The following TTLL10 variants were observed in gnomAD, a reference collection of about 807,000 sequenced individuals.
The protein encoded by TTLL10 is tubulin tyrosine ligase like 10.
Under a neutral mutation model 69.0 loss-of-function variants are expected in TTLL10, and 61 were observed. The ratio of observed to expected loss-of-function variants is 0.88; its 90% CI spans 0.72 to 1.09. The LOEUF is 1.09. Ranked by LOEUF, TTLL10 falls within the 50% of genes least tolerant of loss-of-function variation. The pLI is 0.00. For synonymous variants in TTLL10, 408 were observed against 393.3 expected, an observed-to-expected ratio of 1.04 and a Z score of -0.44; for missense variants, 962 against 945.9, an observed-to-expected ratio of 1.02 and a Z score of -0.22.
intron 11 of TTLL10, among the ~76,000 whole-genome samples, chr1:1,183,563 A>G (rs1647146633): frequency 6.6e-6 from 1 of 151,530 alleles, no homozygotes; most frequent in Admixed American, 6.6e-5. Context: ...GCGTCCCTCC[A>G]CCTGGCGAGC....
intron 3 of TTLL10, among the ~76,000 whole-genome samples, chr1:1,177,285 CGT>C (rs771740834): frequency 2.0e-5 from 3 of 147,754 alleles, no homozygotes; most frequent in African/African-American, 7.5e-5. Context: ...TGTGTCTGTG[CGT>C]GTGTGTGTGT....
At chr1:1,184,190 AGGAGGTGGCCCAGGCCG>A in intron 12 of TTLL10, 99 bp downstream of exon 12, 1 of 1,529,366 alleles carries the variant, frequency 6.5e-7, no homozygotes, top group African/African-American at 1.4e-5. Flanking sequence ...CAGCTACAGA[AGGAGGTGGCCCAGGCCG>A]GGAGGTGTCT....
Position 1,195,099 on chromosome 1 carries a change from C to T in TTLL10, c.1402-1501C>T, listed in dbSNP as rs556231044. ...CTCCTTCTGGGCTCAAGCAATCCTCCGGCCTACCAGCCTCCCAAGTAGCTG... is the reference window on the plus strand; with the variant it reads ...CTCCTTCTGGGCTCAAGCAATCCTCTGGCCTACCAGCCTCCCAAGTAGCTG... On this transcript the variant is annotated intron_variant, in intron 13 of 15. Coordinates refer to ENST00000379289, the MANE Select transcript of TTLL10 (RefSeq NM_001130045.2). Among the ~76,000 whole-genome samples the T allele has an allele frequency of 7.9e-5, 12 of 152,298 alleles. 1 individual carries two copies. The highest frequency in any genetic ancestry group is 2.6e-4 in the Admixed American group (4 of 15,294).
At chr1:1,195,500 C>CT (rs1168016636) in intron 13 of TTLL10, among the ~76,000 whole-genome samples, 1,844 of 98,788 alleles carry the variant, frequency 0.019, 80 homozygotes, top group South Asian at 0.031. Context: ...CATCGTCATA[C>CT]TTTTTTTTTT....
intron 3 of TTLL10, chr1:1,175,984 T>G (rs1167761308): frequency 4.6e-6 from 2 of 432,732 alleles, no homozygotes; most frequent in Non-Finnish European, 9.0e-6. Flanking sequence ...GCTGTGCAGG[T>G]GGAGAGGCTG....
intron 3 of TTLL10, among the ~76,000 whole-genome samples, chr1:1,178,333 G>A (rs2100851866): frequency 6.6e-6 from 1 of 152,258 alleles, no homozygotes; most frequent in East Asian, 1.9e-4. Context: ...GCCGAGGCAG[G>A]CGGATCACCT....
In TTLL10 at chr1:1,185,232, C is replaced by G; in HGVS notation, c.1401+123C>G. The G allele has an allele frequency of 6.7e-7, 1 of 1,495,426 alleles. No individual in the cohort carries two copies. Among genetic ancestry groups the G allele is most frequent in the Non-Finnish European group, 8.9e-7 (1 of 1,123,182 alleles). 92.6% of individuals were successfully genotyped at this position (1,495,426 alleles called of 1,614,324 possible). A position where few individuals can be genotyped will look rare whatever the true frequency, so the allele number is the denominator to read the frequency against. ...GTGGGCGGCTGCGCTGAAGTGTGAC[C>G]TGACCGTGTGGAACCAAACCCTTCC... On this transcript the variant is annotated intron_variant, in intron 13 of 15. Transcript: ENST00000379289. This position sits in a 1 kb window ranked among gnomAD's most constrained non-coding sequence, Gnocchi z 6.1.
Position 1,197,817 on chromosome 1 carries a change from A to C in TTLL10, c.1992A>C (p.Glu664Asp). 6.6e-7 allele frequency: 1 copy of C among 1,512,262 alleles called. No individual in the cohort carries two copies. Among genetic ancestry groups the C allele is most frequent in the Non-Finnish European group, 8.9e-7 (1 of 1,129,618 alleles). 93.7% of individuals were successfully genotyped at this position (1,512,262 alleles called of 1,614,324 possible). The change falls in exon 16 of 16, where the codon GAA becomes GAC. Residue 664 changes from glutamate to aspartate, a missense_variant. Coordinates refer to ENST00000379289, the MANE Select transcript of TTLL10 (RefSeq NM_001130045.2). Reference protein sequence around the residue: ...QEPSPGTAKEEREEPENARP With the variant: ...QEPSPGTAKEDREEPENARP Reference sequence around the variant, plus strand: ...CTTCCCCGGGGACAGCCAAGGAGGAACGCGAGGAGCCTGAGAACGCGAGGC... The same window carrying C: ...CTTCCCCGGGGACAGCCAAGGAGGACCGCGAGGAGCCTGAGAACGCGAGGC...
intron 3 of TTLL10, chr1:1,176,229 GGTGGAGAGAGGCTGACGCTGTGCA>G (rs1646868078): frequency 4.4e-6 from 2 of 450,976 alleles, no homozygotes; most frequent in African/African-American, 2.0e-5. Flanking sequence ...CCGCTGTGCA[GGTGGAGAGAGGCTGACGCTGTGCA>G]GGTGGAGAGA....
chr1:1,184,020 G>A lies in TTLL10; in HGVS notation c.1189G>A (p.Gly397Ser), dbSNP rs142275578. The change falls in exon 12 of 16, where the codon GGC becomes AGC. Residue 397 changes from glycine to serine, a missense_variant. By Grantham distance (56) the Gly-to-Ser change is moderately conservative (BLOSUM62 0). Coordinates refer to ENST00000379289, the MANE Select transcript of TTLL10 (RefSeq NM_001130045.2). ...TTPYMIFFGH[G>S]YARLTLSLYD... ...ACCCTACATGATCTTCTTTGGCCAC[G>A]GCTATGCTCGCCTCACCCTTAGCCT... 6.0e-5 allele frequency: 97 copies of A among 1,614,166 alleles called. 1 individual carries two copies. In the Admixed American group the frequency reaches 1.3e-3, roughly 21 times the overall value.
intron 1 of TTLL10, 177 bp downstream of exon 1, chr1:1,174,103 C>T (rs1376662431): frequency 6.6e-6 from 1 of 152,162 alleles, no homozygotes; most frequent in African/African-American, 2.4e-5. Context: ...TCCCGGACCC[C>T]AGCGCCACCG....
intron 13 of TTLL10, among the ~76,000 whole-genome samples, chr1:1,192,951 G>T (rs61766176): frequency 0.13 from 20,427 of 152,134 alleles, 2,526 homozygotes; most frequent in East Asian, 0.59. Context: ...AGTATCTTTT[G>T]TAGATGGTAT....
At chr1:1,196,033 C>A (rs377196616) in intron 13 of TTLL10, among the ~76,000 whole-genome samples, 1 of 152,068 alleles carries the variant, frequency 6.6e-6, no homozygotes, top group Non-Finnish European at 1.5e-5. Flanking sequence ...GCCTCAGCCT[C>A]CCAAACTGCT....
chr1:1,197,215 C>G, intron 15 of TTLL10, 29 bp downstream of exon 15: 2 of 1,537,940 alleles, frequency 1.3e-6, no homozygotes, highest in Non-Finnish European at 1.8e-6. Context: ...ACCCCACACC[C>G]CCACAACCTG....
Position 1,184,111 on chromosome 1 carries a change from G to C in TTLL10, c.1260+20G>C. On this transcript the variant is annotated intron_variant, in intron 12 of 15. Coordinates refer to ENST00000379289, the MANE Select transcript of TTLL10 (RefSeq NM_001130045.2). ...AACCAGGTGAGTCTGCCATGGGTGA[G>C]GGCCCTCCCTGCAGCCTTGGGATGA... 6.2e-7 allele frequency: 1 copy of C among 1,614,040 alleles called. No individual in the cohort carries two copies. The highest frequency in any genetic ancestry group is 1.1e-5 in the South Asian group (1 of 91,086).
intron 3 of TTLL10, among the ~76,000 whole-genome samples, chr1:1,177,542 A>G (rs924234717): frequency 3.3e-5 from 5 of 152,172 alleles, no homozygotes; most frequent in South Asian, 4.1e-4. Context: ...CAATCTCCTG[A>G]CCTCATGATC....
intron 3 of TTLL10, among the ~76,000 whole-genome samples, chr1:1,178,888 C>T (rs559065854): frequency 9.7e-4 from 147 of 152,312 alleles, no homozygotes; most frequent in African/African-American, 3.2e-3. Context: ...GCAGGCCTGA[C>T]GCTGCCCCTC....
rs113962551 is a variant in TTLL10 at position 1,186,916 on chromosome 1, G to A, written c.1401+1807G>A. 7.9e-3 allele frequency among the ~76,000 whole-genome samples: 1,181 copies of A among 150,032 alleles called. 14 individuals carry two copies. The highest frequency in any genetic ancestry group is 0.027 in the African/African-American group (1,091 of 40,756). On this transcript the variant is annotated intron_variant, in intron 13 of 15. Coordinates refer to ENST00000379289, the MANE Select transcript of TTLL10 (RefSeq NM_001130045.2). ...GCTGGAGTGCAGTGATGTGATTCTC[G>A]GCTCACTGCAAGCTCCGCCTCCCGG...
chr1:1,179,542 G>A (rs1646977106), intron 4 of TTLL10, 115 bp from the exon 5 acceptor site: 2 of 1,495,636 alleles, frequency 1.3e-6, no homozygotes, highest in Admixed American at 2.0e-5. Context: ...CGCGGCCCAG[G>A]GTTCCGCCTG....
Sources: gnomAD v4.1 joint callset for allele counts (sites outside exome capture counted in the v4.1 genomes callset) on GRCh38, gnomAD v4.1.1 for gene constraint, Gnocchi (gnomAD v3.1) non-coding constraint, MANE v1.5 for transcripts, NCBI Gene and HGNC (gene_info 2026-07-23, HGNC 2026-07-21) for gene names.